Variants in PRKCH observed in about 807,000 individuals in gnomAD.
PRKCH encodes the protein protein kinase C eta, also known as protein kinase C eta type.
In PRKCH, 28 loss-of-function variants were observed where a neutral mutation model predicts 82.5. The observed-to-expected ratio is 0.34, with a 90% confidence interval of 0.25 to 0.47. The LOEUF (loss-of-function observed/expected upper bound fraction) is 0.47, where lower values mean the gene tolerates loss of function less well. Ranked by LOEUF, PRKCH falls within the 20% of genes least tolerant of loss-of-function variation. The probability of loss-of-function intolerance (pLI) is 1.00; values close to 1 mark genes in which losing one functional copy is unlikely to be tolerated. For missense variants in PRKCH, 705 were observed against 881.8 expected (o/e 0.80, Z 2.54); for synonymous variants, 322 against 327.4 (o/e 0.98, Z 0.18).
At chr14:61,366,903 C>A (rs1006679830) in intron 1 of PRKCH, among the ~76,000 whole-genome samples, 3 of 152,032 alleles carry the variant, frequency 2.0e-5, no homozygotes, top group African/African-American at 4.8e-5. Context: ...GAGGAGCTCT[C>A]TGTCTAGGGA....
intron 2 of PRKCH, among the ~76,000 whole-genome samples, chr14:61,430,719 A>C (rs1017106236): frequency 4.0e-5 from 6 of 151,172 alleles, no homozygotes; most frequent in Non-Finnish European, 7.4e-5. Context: ...GCAGACTCCC[A>C]GTAGATAGAA....
intron 1 of PRKCH, among the ~76,000 whole-genome samples, chr14:61,310,020 A>G (rs1412779556): frequency 2.0e-5 from 3 of 151,692 alleles, no homozygotes; most frequent in African/African-American, 4.9e-5. Flanking sequence ...CAAGAATAGC[A>G]TGGAGGGAAC....
chr14:61,209,137 A>G (rs1031517544), intron 1 of PRKCH, among the ~76,000 whole-genome samples: 1 of 152,088 alleles, frequency 6.6e-6, no homozygotes, highest in African/African-American at 2.4e-5. Flanking sequence ...TTGCCCTTCC[A>G]TCTTCCGCCA....
chr14:61,428,622 G>A (rs184157785), intron 2 of PRKCH, among the ~76,000 whole-genome samples: 19 of 152,216 alleles, frequency 1.2e-4, no homozygotes, highest in Admixed American at 1.1e-3. Context: ...TTGAGCCTGG[G>A]GTGGTTTGTT....
intron 1 of PRKCH, among the ~76,000 whole-genome samples, chr14:61,385,376 A>G (rs1316448149): frequency 6.6e-6 from 1 of 151,450 alleles, no homozygotes; most frequent in African/African-American, 2.4e-5. Flanking sequence ...GAAAAAAAAA[A>G]TGAAGCACTT....
At chr14:61,405,162 T>C (rs1881870851) in intron 2 of PRKCH, among the ~76,000 whole-genome samples, 1 of 152,232 alleles carries the variant, frequency 6.6e-6, no homozygotes, top group Non-Finnish European at 1.5e-5. Flanking sequence ...TCATGGTTTC[T>C]TTTTGTTCTA....
chr14:61,425,980 G>A (rs1475942220), intron 2 of PRKCH, among the ~76,000 whole-genome samples: 2 of 152,172 alleles, frequency 1.3e-5, no homozygotes, highest in African/African-American at 2.4e-5. Flanking sequence ...TGTAAGACAT[G>A]CCTGCTTCCC....
At position 61,454,850 on chromosome 14, in the gene PRKCH, C is replaced by T. The variant is rs112916322; in HGVS notation, c.960+1497C>T. ...GGGAAATAGCCATGTAAGATCTGAA[C>T]GGTGTAGCTTGGTGTCCAGTTCAGG... On this transcript the variant is annotated intron_variant, in intron 7 of 13. Coordinates refer to ENST00000332981, the MANE Select transcript of PRKCH (RefSeq NM_006255.5). Among the ~76,000 whole-genome samples the T allele has an allele frequency of 9.3e-3, 1,423 of 152,234 alleles. 19 individuals are homozygous for T. The highest frequency in any genetic ancestry group is 0.032 in the African/African-American group (1,345 of 41,546).
intron 12 of PRKCH, among the ~76,000 whole-genome samples, chr14:61,536,653 G>A (rs1310274723): frequency 6.6e-6 from 1 of 152,148 alleles, no homozygotes; most frequent in Non-Finnish European, 1.5e-5. Flanking sequence ...TATGTTACAT[G>A]CCATAGAGTT....
At chr14:61,460,424 G>C (rs1304464476) in intron 9 of PRKCH, among the ~76,000 whole-genome samples, 1 of 152,134 alleles carries the variant, frequency 6.6e-6, no homozygotes, top group Non-Finnish European at 1.5e-5. Context: ...TGGTCAAAGG[G>C]TATATGCATT....
At chr14:61,389,991 T>C (rs1594652437) in intron 1 of PRKCH, among the ~76,000 whole-genome samples, 1 of 152,094 alleles carries the variant, frequency 6.6e-6, no homozygotes, top group Non-Finnish European at 1.5e-5. Context: ...AAGGCAGAAA[T>C]GGAGCCACAG....
At chr14:61,250,266 T>TAAAA (rs1288302323) in intron 1 of PRKCH, among the ~76,000 whole-genome samples, 2 of 151,258 alleles carry the variant, frequency 1.3e-5, no homozygotes, top group African/African-American at 4.9e-5. Flanking sequence ...AATAAATAAA[T>TAAAA]AAATAAATAA....
intron 13 of PRKCH, 99 bp downstream of exon 13, chr14:61,547,985 G>A (rs2043281124): frequency 4.7e-6 from 7 of 1,491,366 alleles, no homozygotes; most frequent in Non-Finnish European, 5.5e-6. Flanking sequence ...GTGGGTGACA[G>A]ACCAGAAATT....
intron 9 of PRKCH, among the ~76,000 whole-genome samples, chr14:61,460,422 G>A (rs1483877026): frequency 2.6e-5 from 4 of 152,138 alleles, no homozygotes; most frequent in Non-Finnish European, 5.9e-5. Flanking sequence ...CTTGGTCAAA[G>A]GGTATATGCA....
chr14:61,265,440 C>G (rs554757238), intron 1 of PRKCH, among the ~76,000 whole-genome samples: 1 of 152,142 alleles, frequency 6.6e-6, no homozygotes, highest in African/African-American at 2.4e-5. Flanking sequence ...AAGATCGTGC[C>G]GTTGCACTCC....
chr14:61,518,956 G>C (rs1007802908), intron 10 of PRKCH, among the ~76,000 whole-genome samples: 2 of 151,970 alleles, frequency 1.3e-5, no homozygotes, highest in Non-Finnish European at 2.9e-5. Context: ...GGACCTACAG[G>C]AGTGTGCCAC....
intron 2 of PRKCH, among the ~76,000 whole-genome samples, chr14:61,432,273 G>A (rs981511596): frequency 2.0e-5 from 3 of 151,906 alleles, no homozygotes; most frequent in Admixed American, 2.0e-4. Context: ...CCATTAACTA[G>A]ATGTTATTAG....
chr14:61,280,233 G>A lies in PRKCH; in HGVS notation c.-19+92565G>A. On this transcript the variant is annotated intron_variant, in intron 1 of 3. Coordinates refer to the PRKCH transcript ENST00000555185. This position sits in a 1 kb window ranked among gnomAD's most constrained non-coding sequence, Gnocchi z 5.0. ...TCTTGCCACCCATCCACGAGATGCT[G>A]CTGAAGATGAGGAGCTTGTGGCCGC... 6.2e-7 allele frequency: 1 copy of A among 1,614,158 alleles called. No individual in the cohort carries two copies. Among genetic ancestry groups the A allele is most frequent in the Non-Finnish European group, 8.5e-7 (1 of 1,180,012 alleles).
At chr14:61,321,400 G>A (rs1047440982), upstream of PRKCH, among the ~76,000 whole-genome samples, 1 of 152,202 alleles carries the variant, frequency 6.6e-6, no homozygotes, top group Non-Finnish European at 1.5e-5. This position sits in a 1 kb window ranked among gnomAD's most constrained non-coding sequence, Gnocchi z 4.1. Flanking sequence ...GCCCGGGGTG[G>A]CCCCTAACCC....
Sources: allele counts gnomAD v4.1 joint callset (sites outside exome capture counted in the v4.1 genomes callset), GRCh38; gene constraint gnomAD v4.1.1; non-coding constraint Gnocchi (gnomAD v3.1); transcripts MANE v1.5; gene names NCBI Gene and HGNC (gene_info 2026-07-23, HGNC 2026-07-21).